Variants in RASGEF1C observed in about 807,000 individuals in gnomAD.
RASGEF1C encodes the protein ras-GEF domain-containing family member 1C.
In RASGEF1C, 27 loss-of-function variants were observed where a neutral mutation model predicts 58.1. That is an observed-to-expected ratio of 0.46 (90% CI 0.34 to 0.64). RASGEF1C has a LOEUF of 0.64. Among genes scored for constraint, RASGEF1C ranks in the 30% least tolerant of loss-of-function variants. The pLI is 0.01. For missense variants in RASGEF1C, 502 were observed against 605.1 expected (o/e 0.83, Z 1.79); for synonymous variants, 243 against 246.3 (o/e 0.99, Z 0.13).
intron 12 of RASGEF1C, among the ~76,000 whole-genome samples, 178 bp from the exon 13 acceptor site, chr5:180,102,321 T>C (rs1765801535): frequency 6.6e-6 from 1 of 151,964 alleles, no homozygotes. Context: ...AACATTTGCG[T>C]GAGGGCTTTT....
chr5:180,145,738 AAAGAG>A (rs1376919232), intron 1 of RASGEF1C, among the ~76,000 whole-genome samples: 1 of 152,230 alleles, frequency 6.6e-6, no homozygotes, highest in Non-Finnish European at 1.5e-5. Flanking sequence ...TTAAGGAACA[AAAGAG>A]AAGCCGTGGC....
chr5:180,111,809 A>G (rs1305337329), intron 11 of RASGEF1C, among the ~76,000 whole-genome samples: 1 of 152,210 alleles, frequency 6.6e-6, no homozygotes, highest in Non-Finnish European at 1.5e-5. Context: ...GTTATCCTCT[A>G]TGTATGGCAA....
At chr5:180,136,603 C>A in intron 3 of RASGEF1C, 88 bp from the exon 4 acceptor site, 3 of 1,430,788 alleles carry the variant, frequency 2.1e-6, no homozygotes, top group Non-Finnish European at 2.8e-6. Flanking sequence ...TCTGGCCGCC[C>A]GGGGCAGGCA....
intron 1 of RASGEF1C, among the ~76,000 whole-genome samples, chr5:180,190,475 G>C (rs1238378656): frequency 8.8e-6 from 1 of 113,478 alleles, no homozygotes; most frequent in Non-Finnish European, 1.8e-5. Flanking sequence ...GGGTGACAGA[G>C]TGAGACTCCG....
At chr5:180,162,063 A>G (rs1231745103) in intron 1 of RASGEF1C, among the ~76,000 whole-genome samples, 1 of 152,136 alleles carries the variant, frequency 6.6e-6, no homozygotes, top group Non-Finnish European at 1.5e-5. Flanking sequence ...CTGATCACTG[A>G]CCTTCAGGGT....
intron 1 of RASGEF1C, among the ~76,000 whole-genome samples, chr5:180,206,130 C>T (rs2127565114): frequency 6.6e-6 from 1 of 152,246 alleles, no homozygotes; most frequent in East Asian, 1.9e-4. Flanking sequence ...CTAGAAAGCC[C>T]AGAAACAGGC....
At chr5:180,109,113 C>T (rs969815454) in intron 12 of RASGEF1C, among the ~76,000 whole-genome samples, 1 of 152,108 alleles carries the variant, frequency 6.6e-6, no homozygotes, top group Non-Finnish European at 1.5e-5. Flanking sequence ...ATCTTAATGC[C>T]CAAGTTCCAT....
At chr5:180,104,572 C>T (rs919231272) in intron 12 of RASGEF1C, among the ~76,000 whole-genome samples, 18 of 152,210 alleles carry the variant, frequency 1.2e-4, no homozygotes, top group East Asian at 3.9e-4. Flanking sequence ...TATTTTGTTA[C>T]GGCAGCTCAA....
chr5:180,172,836 C>A, intron 1 of RASGEF1C, among the ~76,000 whole-genome samples: 1 of 152,142 alleles, frequency 6.6e-6, no homozygotes, highest in Non-Finnish European at 1.5e-5. Flanking sequence ...TGTCCTCTGC[C>A]TCCCTGTGCT....
chr5:180,175,725 C>A (rs538613100), intron 1 of RASGEF1C, among the ~76,000 whole-genome samples: 2 of 152,222 alleles, frequency 1.3e-5, no homozygotes, highest in Non-Finnish European at 2.9e-5. Context: ...AAGGGCCGGG[C>A]GCGGTGGCTC....
At chr5:180,146,429 T>C (rs1342187267) in intron 1 of RASGEF1C, among the ~76,000 whole-genome samples, 2 of 152,222 alleles carry the variant, frequency 1.3e-5, no homozygotes, top group African/African-American at 4.8e-5. Context: ...TGAGCCACTG[T>C]GCTTGGCCAG....
intron 4 of RASGEF1C, among the ~76,000 whole-genome samples, chr5:180,133,925 T>TCCC (rs910025830): frequency 7.9e-5 from 12 of 152,194 alleles, no homozygotes; most frequent in African/African-American, 2.7e-4. Context: ...CTTCAGGGAC[T>TCCC]CCCCGCTGCA....
At chr5:180,136,593 T>C in intron 3 of RASGEF1C, 78 bp from the exon 4 acceptor site, 1 of 1,465,920 alleles carries the variant, frequency 6.8e-7, no homozygotes, top group South Asian at 1.4e-5. Flanking sequence ...TCCTTGCGGG[T>C]CTGGCCGCCC....
At chr5:180,124,965 T>A (rs1196073170) in intron 6 of RASGEF1C, among the ~76,000 whole-genome samples, 1 of 151,950 alleles carries the variant, frequency 6.6e-6, no homozygotes, top group Non-Finnish European at 1.5e-5. Flanking sequence ...AAACCCTGTC[T>A]CCACAAAAAA....
chr5:180,121,257 C>T (rs1766162938), intron 6 of RASGEF1C, 108 bp from the exon 7 acceptor site: 1 of 726,928 alleles, frequency 1.4e-6, no homozygotes, highest in Non-Finnish European at 2.5e-6. Flanking sequence ...TGTTAAAACC[C>T]CCAAACCATC....
chr5:180,203,087 AAT>A (rs1353298481), intron 1 of RASGEF1C, among the ~76,000 whole-genome samples: 6 of 152,302 alleles, frequency 3.9e-5, no homozygotes, highest in East Asian at 3.9e-4. Context: ...GGCAAAAATA[AAT>A]ATTAGTAATC....
chr5:180,132,121 C>T (rs540643955), intron 4 of RASGEF1C, among the ~76,000 whole-genome samples: 1 of 152,202 alleles, frequency 6.6e-6, no homozygotes, highest in Non-Finnish European at 1.5e-5. Flanking sequence ...TCGTCACTAT[C>T]GTGGGTCCAT....
chr5:180,169,603 C>G (rs78644398), intron 1 of RASGEF1C, among the ~76,000 whole-genome samples: 12 of 107,036 alleles, frequency 1.1e-4, no homozygotes, highest in Non-Finnish European at 1.6e-4. Context: ...GCAGTGGGGG[C>G]AGGGGGGCGG....
At chr5:180,103,135 T>G (rs1019738035) in intron 12 of RASGEF1C, among the ~76,000 whole-genome samples, 4 of 152,232 alleles carry the variant, frequency 2.6e-5, no homozygotes, top group East Asian at 3.8e-4. Flanking sequence ...TGGAGTGCAG[T>G]GGCGCGATCT....
Sources: gnomAD v4.1 joint callset for allele counts (sites outside exome capture counted in the v4.1 genomes callset) on GRCh38, gnomAD v4.1.1 for gene constraint, MANE v1.5 for transcripts, NCBI Gene and HGNC (gene_info 2026-07-23, HGNC 2026-07-21) for gene names.